Variants in SORBS2 observed in about 807,000 individuals in gnomAD.
The protein encoded by SORBS2 is sorbin and SH3 domain-containing protein 2.
SORBS2 carries 46 observed loss-of-function variants against 97.7 expected under a neutral mutation model. That is an observed-to-expected ratio of 0.47 (90% CI 0.37 to 0.60). SORBS2 has a LOEUF of 0.60. Among genes scored for constraint, SORBS2 ranks in the 20% least tolerant of loss-of-function variants. The pLI is 0.00. For missense variants in SORBS2, 1,316 were observed against 1,282.3 expected (o/e 1.03, Z -0.40); for synonymous variants, 476 against 473.4 (o/e 1.01, Z -0.07).
chr4:185,923,770 C>A (rs918368781), intron 1 of SORBS2, among the ~76,000 whole-genome samples: 1 of 151,994 alleles, frequency 6.6e-6, no homozygotes, highest in African/African-American at 2.4e-5. Flanking sequence ...CGACCTCCTT[C>A]CTTAGATACA....
chr4:185,700,144 T>C (rs983684367), intron 2 of SORBS2, among the ~76,000 whole-genome samples: 4 of 152,222 alleles, frequency 2.6e-5, no homozygotes, highest in Non-Finnish European at 5.9e-5. Context: ...TTGAAGAGAC[T>C]GGCTTTTCAA....
At chr4:185,727,083 G>A (rs2153566671) in intron 2 of SORBS2, among the ~76,000 whole-genome samples, 1 of 152,308 alleles carries the variant, frequency 6.6e-6, no homozygotes, top group South Asian at 2.1e-4. Flanking sequence ...GCCCTGGACA[G>A]ACGCCACCAC....
intron 3 of SORBS2, among the ~76,000 whole-genome samples, chr4:185,649,211 A>G (rs1319443740): frequency 3.3e-5 from 5 of 152,202 alleles, no homozygotes; most frequent in African/African-American, 1.2e-4. Context: ...TCTTATATGT[A>G]TGTATTGATC....
At chr4:185,591,661 C>T (rs908298445) in intron 13 of SORBS2, among the ~76,000 whole-genome samples, 2 of 152,120 alleles carry the variant, frequency 1.3e-5, no homozygotes, top group Non-Finnish European at 2.9e-5. Flanking sequence ...GATGGATACA[C>T]ACGGCATTTC....
chr4:185,693,822 G>A (rs1006695492), intron 2 of SORBS2, among the ~76,000 whole-genome samples: 2 of 152,148 alleles, frequency 1.3e-5, no homozygotes, highest in Admixed American at 6.5e-5. Context: ...TTCAAATGCC[G>A]ATATTTACAG....
intron 1 of SORBS2, among the ~76,000 whole-genome samples, chr4:185,941,288 C>T (rs927787528): frequency 2.0e-5 from 3 of 152,120 alleles, no homozygotes; most frequent in African/African-American, 7.2e-5. Context: ...TGCTCCAGAT[C>T]AAGTTGGAGA....
rs181367446 is a variant in SORBS2, at chr4:185,784,420, G to A, written c.-337-9054C>T. Among the ~76,000 whole-genome samples, 179 of 152,210 alleles carry A rather than the reference G, an allele frequency of 1.2e-3. 1 individual carries two copies. Among genetic ancestry groups the A allele is most frequent in the Admixed American group, 7.5e-3 (115 of 15,292 alleles). ...GCTGGGATTACAAGCGTGAGCCACC[G>A]CGCCAGGCTGTCCTTTTCTTTCTAA... On this transcript the variant is annotated intron_variant, in intron 1 of 20. Coordinates refer to the SORBS2 transcript ENST00000284776.
intron 2 of SORBS2, among the ~76,000 whole-genome samples, chr4:185,754,402 C>G (rs2098818776): frequency 6.6e-6 from 1 of 152,126 alleles, no homozygotes; most frequent in South Asian, 2.1e-4. Flanking sequence ...CCATAACACA[C>G]AGTAACCCCC....
chr4:185,878,257 G>A (rs896907005), intron 1 of SORBS2, among the ~76,000 whole-genome samples: 1 of 152,142 alleles, frequency 6.6e-6, no homozygotes, highest in African/African-American at 2.4e-5. Context: ...TGGCAATTAA[G>A]TAAGAGTGGA....
chr4:185,777,120 T>C (rs1038049293), intron 1 of SORBS2, among the ~76,000 whole-genome samples: 7 of 152,188 alleles, frequency 4.6e-5, no homozygotes, highest in African/African-American at 1.7e-4. Flanking sequence ...TTTGGCTCAA[T>C]AGACCTTATA....
chr4:185,792,099 A>G (rs1584912470), intron 1 of SORBS2, among the ~76,000 whole-genome samples: 1 of 152,362 alleles, frequency 6.6e-6, no homozygotes, highest in Middle Eastern at 3.4e-3. Context: ...GTCTTGTGGC[A>G]TCCTAGTTAG....
chr4:185,883,425 T>C (rs2149783220), intron 1 of SORBS2, among the ~76,000 whole-genome samples: 1 of 152,358 alleles, frequency 6.6e-6, no homozygotes, highest in East Asian at 1.9e-4. Context: ...ATAACACTGC[T>C]TGTGGGAATG....
intron 4 of SORBS2, chr4:185,666,213 A>T: frequency 1.6e-6 from 2 of 1,258,872 alleles, no homozygotes; most frequent in South Asian, 2.5e-5. Context: ...CAAGCTGAGT[A>T]TGAGGAAAAA....
intron 1 of SORBS2, among the ~76,000 whole-genome samples, chr4:185,942,139 C>A (rs1211552274): frequency 6.6e-6 from 1 of 151,986 alleles, no homozygotes; most frequent in Non-Finnish European, 1.5e-5. Context: ...AAAACTAAGA[C>A]TTGGAGAAAC....
At chr4:185,819,038 C>T (rs949866395) in intron 1 of SORBS2, among the ~76,000 whole-genome samples, 1 of 152,216 alleles carries the variant, frequency 6.6e-6, no homozygotes, top group South Asian at 2.1e-4. Flanking sequence ...TTGCTTCCAA[C>T]AATTGGAAGC....
chr4:185,633,353 A>G (rs1484592431), intron 4 of SORBS2, among the ~76,000 whole-genome samples: 1 of 152,160 alleles, frequency 6.6e-6, no homozygotes, highest in Non-Finnish European at 1.5e-5. Flanking sequence ...CTGAAAAACT[A>G]TAATGTGAAA....
chr4:185,770,326 A>G (rs1236776422), intron 2 of SORBS2, among the ~76,000 whole-genome samples: 1 of 152,116 alleles, frequency 6.6e-6, no homozygotes, highest in Non-Finnish European at 1.5e-5. Flanking sequence ...TTAGGAATGC[A>G]CTCCACTCTA....
intron 2 of SORBS2, among the ~76,000 whole-genome samples, chr4:185,700,599 T>C (rs1025256434): frequency 1.3e-5 from 2 of 152,216 alleles, no homozygotes; most frequent in African/African-American, 4.8e-5. Flanking sequence ...TCCCTCAAGA[T>C]GTACCTGAAT....
At chr4:185,889,087 C>T (rs901708158) in intron 1 of SORBS2, among the ~76,000 whole-genome samples, 12 of 152,166 alleles carry the variant, frequency 7.9e-5, no homozygotes, top group Non-Finnish European at 1.3e-4. Flanking sequence ...TTTCTATCAT[C>T]CCTTTTCTGT....
Sources: allele counts gnomAD v4.1 joint callset (sites outside exome capture counted in the v4.1 genomes callset), GRCh38; gene constraint gnomAD v4.1.1; transcripts MANE v1.5; gene names NCBI Gene and HGNC (gene_info 2026-07-23, HGNC 2026-07-21).